Variants in ADK observed in about 807,000 individuals in gnomAD.
The protein encoded by ADK is adenosine kinase.
Under a neutral mutation model 44.7 loss-of-function variants are expected in ADK, and 24 were observed. The ratio of observed to expected loss-of-function variants is 0.54; its 90% CI spans 0.39 to 0.76. The LOEUF (loss-of-function observed/expected upper bound fraction) is 0.76. ADK is among the 30% of genes least tolerant of loss of function. ADK has a pLI of 0.00. For synonymous variants in ADK, 128 were observed against 142.6 expected, an observed-to-expected ratio of 0.90 and a Z score of 0.73; for missense variants, 321 against 425.1, an observed-to-expected ratio of 0.76 and a Z score of 2.15.
intron 4 of ADK, among the ~76,000 whole-genome samples, chr10:74,348,535 A>G (rs1046973686): frequency 6.6e-6 from 1 of 152,012 alleles, no homozygotes; most frequent in Non-Finnish European, 1.5e-5. Flanking sequence ...TTTGCCTCCA[A>G]ATAATTGCAG....
chr10:74,500,703 C>T (rs1847859625), intron 6 of ADK, among the ~76,000 whole-genome samples: 1 of 152,110 alleles, frequency 6.6e-6, no homozygotes, highest in African/African-American at 2.4e-5. Context: ...ATTTAAGTGA[C>T]ATATTCCGAT....
chr10:74,286,365 T>C (rs1294311732), intron 3 of ADK, among the ~76,000 whole-genome samples: 1 of 152,216 alleles, frequency 6.6e-6, no homozygotes, highest in Non-Finnish European at 1.5e-5. Context: ...GGAGTGTTTT[T>C]TAAAACATCC....
chr10:74,351,331 C>T (rs1841956649), intron 4 of ADK, among the ~76,000 whole-genome samples: 1 of 152,160 alleles, frequency 6.6e-6, no homozygotes, highest in Middle Eastern at 3.2e-3. Flanking sequence ...ATATGATTAT[C>T]TCAATAGATG....
rs79319897 is a variant in ADK at position 74,698,265 on chromosome 10, A to G, written c.965-10056A>G. ...GTAAAAAGGCAACAACAACTGCCTC[A>G]GCATATGAGTTCTTGATTTGGAAAA... is the stretch of plus-strand genomic sequence containing the variant. On this transcript the variant is annotated intron_variant, in intron 10 of 10. Transcript: ENST00000539909. Among the ~76,000 whole-genome samples the G allele has an allele frequency of 2.1e-3, 319 of 152,350 alleles. No homozygotes were observed. In the Middle Eastern group the frequency reaches 0.024, roughly 11 times the overall value.
At chr10:74,559,131 G>A (rs1007666277) in intron 7 of ADK, among the ~76,000 whole-genome samples, 1 of 152,206 alleles carries the variant, frequency 6.6e-6, no homozygotes, top group Non-Finnish European at 1.5e-5. Context: ...CTGGAAGCTG[G>A]TGTTGTGGGG....
intron 3 of ADK, among the ~76,000 whole-genome samples, chr10:74,273,432 G>A (rs1206540402): frequency 6.6e-6 from 1 of 151,706 alleles, no homozygotes; most frequent in African/African-American, 2.4e-5. Flanking sequence ...GCCCAATTCG[G>A]CTTTCTTCCC....
intron 9 of ADK, among the ~76,000 whole-genome samples, chr10:74,624,862 G>C (rs184163395): frequency 3.9e-5 from 6 of 152,106 alleles, no homozygotes; most frequent in Non-Finnish European, 2.9e-5. Context: ...GTTTTTGGCT[G>C]TGTTTATTTC....
intron 9 of ADK, among the ~76,000 whole-genome samples, chr10:74,648,003 T>A (rs1854115049): frequency 6.6e-6 from 1 of 152,214 alleles, no homozygotes; most frequent in Non-Finnish European, 1.5e-5. Context: ...TTTATCTTCT[T>A]GCATCTTCAA....
intron 9 of ADK, among the ~76,000 whole-genome samples, chr10:74,630,851 T>A (rs548011940): frequency 1.1e-4 from 16 of 152,326 alleles, no homozygotes; most frequent in Admixed American, 2.6e-4. Context: ...CCTTATAAAC[T>A]TCTCAATTCA....
intron 2 of ADK, among the ~76,000 whole-genome samples, chr10:74,213,433 C>T (rs924780161): frequency 4.0e-5 from 6 of 151,720 alleles, no homozygotes; most frequent in South Asian, 2.1e-4. Flanking sequence ...CATAGTTTGA[C>T]GCAATATTAT....
intron 2 of ADK, among the ~76,000 whole-genome samples, chr10:74,203,489 A>G (rs1002557198): frequency 6.6e-5 from 10 of 151,756 alleles, no homozygotes; most frequent in African/African-American, 2.4e-4. Flanking sequence ...CTCCCAAGTA[A>G]CTGAGACTAT....
chr10:74,193,153 A>G (rs1843004766), intron 1 of ADK, among the ~76,000 whole-genome samples: 1 of 152,176 alleles, frequency 6.6e-6, no homozygotes, highest in Admixed American at 6.5e-5. Context: ...TCTGTATTTT[A>G]AAGCTTACCT....
chr10:74,428,722 G>A (rs746441199), intron 6 of ADK, among the ~76,000 whole-genome samples: 2 of 152,218 alleles, frequency 1.3e-5, no homozygotes, highest in Non-Finnish European at 2.9e-5. Flanking sequence ...TAAGAGGACA[G>A]ACATGTTGAT....
At chr10:74,371,971 C>T (rs1173265391) in intron 4 of ADK, 20 of 866,234 alleles carry the variant, frequency 2.3e-5, no homozygotes, top group Non-Finnish European at 3.5e-5. Flanking sequence ...TCTACCGTTG[C>T]TTTGTGTAAC....
intron 4 of ADK, among the ~76,000 whole-genome samples, chr10:74,363,014 C>T (rs1353623308): frequency 6.6e-6 from 1 of 152,204 alleles, no homozygotes; most frequent in Non-Finnish European, 1.5e-5. Context: ...GGAGTTGAGA[C>T]TGTGCGTCTT....
chr10:74,394,145 T>C lies in ADK; in HGVS notation c.278T>C (p.Met93Thr). The part of the protein sequence containing the change: ...TQNSIKVAQW[M>T]IQQPHKAATF... ...ATTTATGTTCCTGTTTTACAGTGGA[T>C]GATTCAACAGCCACACAAAGCAGCA... is the stretch of plus-strand genomic sequence containing the variant. The change falls in exon 5 of 11, where the codon ATG (methionine) becomes ACG (threonine). Residue 93 changes from methionine (M) to threonine (T), a missense_variant. Coordinates refer to ENST00000539909, the MANE Select transcript of ADK (RefSeq NM_006721.4). 1 of 1,614,012 alleles carries C rather than the reference T, an allele frequency of 6.2e-7. No individual in the cohort carries two copies. The highest frequency in any genetic ancestry group is 8.5e-7 in the Non-Finnish European group (1 of 1,179,896).
intron 8 of ADK, among the ~76,000 whole-genome samples, chr10:74,591,068 T>C (rs1851699651): frequency 6.6e-6 from 1 of 152,166 alleles, no homozygotes; most frequent in African/African-American, 2.4e-5. Context: ...CTGTAGTATC[T>C]ACATAGCAGT....
intron 9 of ADK, among the ~76,000 whole-genome samples, chr10:74,624,606 G>A (rs1303015799): frequency 6.6e-6 from 1 of 152,036 alleles, no homozygotes; most frequent in Non-Finnish European, 1.5e-5. Flanking sequence ...ACATGGTTTA[G>A]TATGCAAAAA....
chr10:74,222,906 A>AG (rs1459268056), intron 2 of ADK, among the ~76,000 whole-genome samples: 2 of 151,988 alleles, frequency 1.3e-5, no homozygotes, highest in African/African-American at 4.8e-5. Context: ...GATATACCTA[A>AG]TGCTAGATGA....
Sources: gnomAD v4.1 joint callset for allele counts (sites outside exome capture counted in the v4.1 genomes callset) on GRCh38, gnomAD v4.1.1 for gene constraint, MANE v1.5 for transcripts, NCBI Gene and HGNC (gene_info 2026-07-23, HGNC 2026-07-21) for gene names.